The following SYNE2 variants were observed in gnomAD, a reference collection of about 807,000 sequenced individuals.
SYNE2 encodes spectrin repeat containing nuclear envelope protein 2, also known as nesprin-2.
SYNE2 carries 431 observed loss-of-function variants against 856.3 expected under a neutral mutation model. That is an observed-to-expected ratio of 0.50 (90% CI 0.47 to 0.55). The LOEUF is 0.55. SYNE2 is among the 20% of genes least tolerant of loss of function. The pLI is 0.00. For synonymous variants in SYNE2, 2,923 were observed against 2,872.3 expected (o/e 1.02, Z -0.56); for missense variants, 8,129 against 8,023.2 (o/e 1.01, Z -0.50).
chr14:63,880,673 T>A (rs945317714), intron 1 of SYNE2, among the ~76,000 whole-genome samples: 1 of 122,294 alleles, frequency 8.2e-6, no homozygotes, highest in African/African-American at 3.0e-5. Context: ...TGTCTTTAAT[T>A]TTTTTTTTTT....
intron 38 of SYNE2, chr14:64,023,583 A>T (rs1290359202): frequency 6.5e-6 from 1 of 152,852 alleles, no homozygotes; most frequent in Non-Finnish European, 1.5e-5. Context: ...GCTGAACTTC[A>T]GTACATTTCT....
intron 92 of SYNE2, among the ~76,000 whole-genome samples, chr14:64,168,447 A>G (rs1416802005): frequency 6.6e-6 from 1 of 152,234 alleles, no homozygotes; most frequent in African/African-American, 2.4e-5. Flanking sequence ...ATTGAAGTCT[A>G]CATTGCTACA....
At chr14:63,956,950 T>A (rs1482338926) in intron 8 of SYNE2, among the ~76,000 whole-genome samples, 2 of 152,184 alleles carry the variant, frequency 1.3e-5, no homozygotes, top group African/African-American at 4.8e-5. Context: ...CTGTGACCAT[T>A]AGCAGTTACT....
chr14:64,169,431 G>T (rs2098399582), intron 93 of SYNE2, among the ~76,000 whole-genome samples: 1 of 152,236 alleles, frequency 6.6e-6, no homozygotes, highest in African/African-American at 2.4e-5. Context: ...TGGGCTTAGG[G>T]TCACTGGGCA....
At chr14:63,821,609 C>G (rs1202690412) in intron 1 of SYNE2, among the ~76,000 whole-genome samples, 1 of 151,302 alleles carries the variant, frequency 6.6e-6, no homozygotes, top group Non-Finnish European at 1.5e-5. Flanking sequence ...AAAAAATTAG[C>G]TGGGCATGGC....
At chr14:63,862,557 ACCG>A (rs2140199875) in intron 1 of SYNE2, among the ~76,000 whole-genome samples, 1 of 152,170 alleles carries the variant, frequency 6.6e-6, no homozygotes, top group African/African-American at 2.4e-5. Context: ...ACTTGTCACT[ACCG>A]TGAATACATT....
intron 2 of SYNE2, among the ~76,000 whole-genome samples, chr14:63,915,436 A>G (rs928255730): frequency 6.6e-6 from 1 of 152,194 alleles, no homozygotes; most frequent in African/African-American, 2.4e-5. Context: ...AACAGGAGCA[A>G]TTTACTTGGC....
chr14:64,111,476 G>A (rs193224783), intron 65 of SYNE2, among the ~76,000 whole-genome samples: 4 of 152,058 alleles, frequency 2.6e-5, no homozygotes, highest in Non-Finnish European at 5.9e-5. Flanking sequence ...AAGTCTGGAA[G>A]CAAAATCACA....
chr14:64,125,161 C>G lies in SYNE2; in HGVS notation c.13505C>G (p.Thr4502Ser). 15 of 1,614,148 alleles carry G rather than the reference C, an allele frequency of 9.3e-6. No individual in the cohort carries two copies. The highest frequency in any genetic ancestry group is 1.3e-5 in the Non-Finnish European group (15 of 1,180,026). The change falls in exon 71 of 116, where the codon ACC becomes AGC. Residue 4502 changes from threonine to serine, a missense_variant. This residue lies in a region of SYNE2 where 5,410 missense variants were observed against 5,284.8 expected (regional missense o/e 1.02). Coordinates refer to ENST00000555002, the MANE Select transcript of SYNE2 (RefSeq NM_182914.3). ...ACAACTGAAGAACTGAAAACCTATACCACCCAACTTGAAGACCTGCGCCAA... is the reference window on the plus strand; with the variant it reads ...ACAACTGAAGAACTGAAAACCTATAGCACCCAACTTGAAGACCTGCGCCAA... ...YPTTEELKTYTTQLEDLRQEA... is the reference protein window; with the variant it reads ...YPTTEELKTYSTQLEDLRQEA...
intron 71 of SYNE2, 99 bp from the exon 72 acceptor site, chr14:64,126,227 CA>C (rs1197198016): frequency 1.9e-6 from 2 of 1,030,316 alleles, no homozygotes; most frequent in African/African-American, 3.2e-5. Context: ...ACAAAAGAAG[CA>C]TAACATAAAT....
At chr14:63,891,276 A>G (rs1351792886) in intron 1 of SYNE2, among the ~76,000 whole-genome samples, 1 of 152,194 alleles carries the variant, frequency 6.6e-6, no homozygotes, top group African/African-American at 2.4e-5. Flanking sequence ...GTTCACAAAG[A>G]AATGTGGCAC....
intron 32 of SYNE2, among the ~76,000 whole-genome samples, chr14:64,014,222 G>A (rs1046585948): frequency 6.6e-6 from 1 of 152,132 alleles, no homozygotes; most frequent in African/African-American, 2.4e-5. Context: ...CTTTGTTGCT[G>A]AGCAGTATTC....
chr14:63,932,129 C>T (rs1388164643), intron 2 of SYNE2, among the ~76,000 whole-genome samples: 1 of 152,136 alleles, frequency 6.6e-6, no homozygotes, highest in Non-Finnish European at 1.5e-5. Context: ...GTAATCCCAG[C>T]ACTTGGGAGG....
chr14:64,222,123 T>C (rs934091249), intron 112 of SYNE2, among the ~76,000 whole-genome samples: 1 of 152,198 alleles, frequency 6.6e-6, no homozygotes, highest in Non-Finnish European at 1.5e-5. Flanking sequence ...TGTCCTGGTG[T>C]ATTTGTCACT....
chr14:64,120,405 G>A (rs1430380356), intron 67 of SYNE2, among the ~76,000 whole-genome samples: 2 of 152,220 alleles, frequency 1.3e-5, no homozygotes, highest in African/African-American at 4.8e-5. Context: ...GAATTAGCTT[G>A]AAGAAGTAAG....
At chr14:64,197,653 G>T (rs1004048659) in intron 99 of SYNE2, among the ~76,000 whole-genome samples, 4 of 152,128 alleles carry the variant, frequency 2.6e-5, no homozygotes, top group African/African-American at 9.7e-5. Context: ...GACTGATTTA[G>T]GGCTTTTATA....
chr14:63,832,014 C>CA (rs1168136645), intron 1 of SYNE2, among the ~76,000 whole-genome samples: 4 of 151,784 alleles, frequency 2.6e-5, no homozygotes, highest in Non-Finnish European at 5.9e-5. Context: ...TTGTATCCCA[C>CA]AAAAAATTAT....
At chr14:63,789,371 A>G (rs539659589) in intron 1 of SYNE2, among the ~76,000 whole-genome samples, 4 of 152,268 alleles carry the variant, frequency 2.6e-5, no homozygotes, top group African/African-American at 4.8e-5. Context: ...TCAGAAGAGC[A>G]TATCTCTAGT....
rs2097606291 is a variant in SYNE2 at position 64,090,857 on chromosome 14, A to G, written c.11794-9A>G. 2.5e-6 allele frequency: 4 copies of G among 1,612,324 alleles called. No individual in the cohort carries two copies. In the East Asian group the frequency reaches 6.7e-5, roughly 27 times the overall value. ...CATTTCTGTAACATGCTCCTCTTAT[A>G]TAATTAAGGTCATACTTGAAAATAT... On this transcript the variant is annotated splice_polypyrimidine_tract_variant and intron_variant, in intron 59 of 115. Coordinates refer to ENST00000555002, the MANE Select transcript of SYNE2 (RefSeq NM_182914.3).
Sources: allele counts gnomAD v4.1 joint callset (sites outside exome capture counted in the v4.1 genomes callset), GRCh38; gene constraint gnomAD v4.1.1; regional missense constraint gnomAD v4.1.1; transcripts MANE v1.5; gene names NCBI Gene and HGNC (gene_info 2026-07-23, HGNC 2026-07-21).